Variants in ATP13A4 observed in about 807,000 individuals in gnomAD.
ATP13A4 encodes the protein probable cation-transporting ATPase 13A4.
In ATP13A4, 114 loss-of-function variants were observed where a neutral mutation model predicts 142.5. The observed-to-expected ratio is 0.80, with a 90% CI of 0.69 to 0.93. The LOEUF (loss-of-function observed/expected upper bound fraction) is 0.93, where lower values mean the gene tolerates loss of function less well. Ranked by LOEUF, ATP13A4 falls within the 40% of genes least tolerant of loss-of-function variation. The pLI is 0.00. For missense variants in ATP13A4, 1,392 were observed against 1,454.0 expected (o/e 0.96, Z 0.69); for synonymous variants, 488 against 514.8 (o/e 0.95, Z 0.70).
At chr3:193,505,452 A>C (rs1248719201) in intron 2 of ATP13A4, among the ~76,000 whole-genome samples, 1 of 152,170 alleles carries the variant, frequency 6.6e-6, no homozygotes, top group Non-Finnish European at 1.5e-5. Flanking sequence ...ATCTCTTCTT[A>C]TAGCTCATAA....
rs376004502 is a variant in ATP13A4 at position 193,412,363 on chromosome 3, G to A, written c.3023C>T (p.Thr1008Ile). 6.2e-6 allele frequency: 10 copies of A among 1,613,878 alleles called. No individual in the cohort carries two copies. Among genetic ancestry groups the A allele is most frequent in the Non-Finnish European group, 8.5e-6 (10 of 1,179,966 alleles). ...WYSVEIHSAC[T>I]VQNESISELT... The stretch of plus-strand genomic sequence containing the variant: ...CTCTGAGATGCTTTCATTTTGTACT[G>A]TGCAGGCACTAAAAGGGAAAACCAA... Residue 1008 changes from threonine to isoleucine, a missense_variant, in exon 27 of 30, where the codon ACA becomes ATA. By Grantham distance (89) the Thr-to-Ile change is moderately conservative. Transcript: ENST00000342695.
chr3:193,579,782 A>G (rs1724494814), intron 2 of ATP13A4, among the ~76,000 whole-genome samples: 1 of 152,212 alleles, frequency 6.6e-6, no homozygotes, highest in African/African-American at 2.4e-5. Context: ...TCTCCTGCTC[A>G]AGCAGCATAT....
intron 1 of ATP13A4, among the ~76,000 whole-genome samples, chr3:193,528,742 T>C (rs1722149893): frequency 6.6e-6 from 1 of 152,078 alleles, no homozygotes; most frequent in African/African-American, 2.4e-5. Context: ...AAAATAAAAA[T>C]ACAAATAAAA....
chr3:193,400,041 G>C lies in ATP13A4; in HGVS notation c.*2611C>G, dbSNP rs879703521. Among the ~76,000 whole-genome samples, 1 of 152,110 alleles carries C rather than the reference G, an allele frequency of 6.6e-6. No homozygotes were observed. Among genetic ancestry groups the C allele is most frequent in the Non-Finnish European group, 1.5e-5 (1 of 68,020 alleles). On this transcript the variant is annotated 3_prime_UTR_variant, in exon 30 of 30. Coordinates refer to ENST00000342695, the MANE Select transcript of ATP13A4 (RefSeq NM_032279.4). ...CCACTGCTATCAGTGCTGGCTGTTA[G>C]GACAGTGGTTAGGGCAGATGGCCTG...
intron 10 of ATP13A4, among the ~76,000 whole-genome samples, chr3:193,466,417 G>A (rs1242064714): frequency 6.6e-6 from 1 of 152,146 alleles, no homozygotes; most frequent in Non-Finnish European, 1.5e-5. Flanking sequence ...ATGCATCCTG[G>A]AGATAGAAAA....
chr3:193,475,767 A>G (rs12637082), intron 8 of ATP13A4, among the ~76,000 whole-genome samples: 20 of 152,118 alleles, frequency 1.3e-4, no homozygotes, highest in African/African-American at 4.8e-4. Context: ...ACAGAAAACT[A>G]TTTTGAGTGA....
intron 1 of ATP13A4, among the ~76,000 whole-genome samples, chr3:193,541,235 C>T (rs1488910004): frequency 1.3e-4 from 12 of 94,412 alleles, no homozygotes; most frequent in African/African-American, 4.0e-4. Flanking sequence ...GGCGACAGAG[C>T]GAGACTCCTT....
At chr3:193,462,985 A>T (rs901788978) in intron 12 of ATP13A4, among the ~76,000 whole-genome samples, 162 bp from the exon 13 acceptor site, 8 of 144,442 alleles carry the variant, frequency 5.5e-5, no homozygotes, top group East Asian at 2.0e-4. Context: ...TCCCTATTTT[A>T]AAAAAAAAAA....
chr3:193,456,335 C>T (rs7638189), intron 16 of ATP13A4, among the ~76,000 whole-genome samples: 113,621 of 151,956 alleles, frequency 0.75, 42,657 homozygotes, highest in Admixed American at 0.78. Flanking sequence ...TGGTGGTGTA[C>T]ATACCAGCCT....
Position 193,483,908 on chromosome 3 carries a change from CA to C in ATP13A4, c.808+27del, listed in dbSNP as rs774409941. The C allele has an allele frequency of 4.1e-6, 6 of 1,472,164 alleles. No individual in the cohort carries two copies. In the South Asian group the frequency reaches 6.8e-5, roughly 17 times the overall value. 91.2% of individuals were successfully genotyped at this position (1,472,164 alleles called of 1,614,324 possible). On this transcript the variant is annotated intron_variant, in intron 8 of 29. Transcript: ENST00000342695. Reference sequence around the variant, plus strand: ...TTCTTTTCTGATTCCATGTGAATAGCATATAGATCTAAAATAATGGAACTTA... The same window carrying C: ...TTCTTTTCTGATTCCATGTGAATAGCTATAGATCTAAAATAATGGAACTTA...
chr3:193,426,807 G>A (rs947149603), intron 25 of ATP13A4, among the ~76,000 whole-genome samples: 4 of 151,508 alleles, frequency 2.6e-5, no homozygotes, highest in Non-Finnish European at 3.0e-5. Flanking sequence ...TAAGGAACTT[G>A]GACCTCTACT....
At chr3:193,429,925 T>C (rs1348599074) in intron 25 of ATP13A4, among the ~76,000 whole-genome samples, 1 of 152,030 alleles carries the variant, frequency 6.6e-6, no homozygotes, top group Non-Finnish European at 1.5e-5. Context: ...GATAGTAAGA[T>C]AAAAATAGGT....
intron 8 of ATP13A4, among the ~76,000 whole-genome samples, chr3:193,480,265 G>C (rs1366621469): frequency 6.6e-6 from 1 of 151,686 alleles, no homozygotes. Context: ...AAAGATAAAT[G>C]CATGGTACTT....
intron 13 of ATP13A4, among the ~76,000 whole-genome samples, chr3:193,461,474 G>GA (rs1176499955): frequency 2.0e-5 from 3 of 152,246 alleles, no homozygotes; most frequent in South Asian, 2.1e-4. Context: ...TATCTTCTAG[G>GA]AAAAATGAAA....
chr3:193,471,077 GA>G, intron 8 of ATP13A4, 84 bp from the exon 9 acceptor site: 2 of 1,565,950 alleles, frequency 1.3e-6, no homozygotes, highest in South Asian at 1.1e-5. Flanking sequence ...GGATATCAAT[GA>G]AAAAGCAACC....
At chr3:193,516,272 T>G (rs1721408516) in intron 1 of ATP13A4, among the ~76,000 whole-genome samples, 1 of 152,254 alleles carries the variant, frequency 6.6e-6, no homozygotes. Flanking sequence ...GTTGCTTTTG[T>G]GTGTAAACAT....
intron 16 of ATP13A4, among the ~76,000 whole-genome samples, chr3:193,455,684 G>A (rs1004131553): frequency 3.9e-5 from 6 of 152,224 alleles, no homozygotes; most frequent in African/African-American, 1.4e-4. Context: ...CCATTACTGG[G>A]TATATAGCCA....
intron 1 of ATP13A4, among the ~76,000 whole-genome samples, chr3:193,551,558 C>T (rs1723567013): frequency 6.6e-6 from 1 of 152,264 alleles, no homozygotes; most frequent in African/African-American, 2.4e-5. Context: ...TAGCAGCTCA[C>T]ACCTCGCCAG....
chr3:193,453,859 A>G (rs1717422374), intron 17 of ATP13A4, among the ~76,000 whole-genome samples: 2 of 152,180 alleles, frequency 1.3e-5, no homozygotes, highest in South Asian at 4.1e-4. Flanking sequence ...TTATATGACT[A>G]TTTCTCATAA....
Sources: gnomAD v4.1 joint callset for allele counts (sites outside exome capture counted in the v4.1 genomes callset) on GRCh38, gnomAD v4.1.1 for gene constraint, MANE v1.5 for transcripts, NCBI Gene and HGNC (gene_info 2026-07-23, HGNC 2026-07-21) for gene names.